The following CNTNAP2 variants were observed in gnomAD, a reference collection of about 807,000 sequenced individuals.
CNTNAP2 encodes contactin associated protein 2.
In CNTNAP2, 98 loss-of-function variants were observed where a neutral mutation model predicts 155.2. That is an observed-to-expected ratio of 0.63 (90% CI 0.54 to 0.75). The LOEUF (loss-of-function observed/expected upper bound fraction) is 0.75, where lower values mean the gene tolerates loss of function less well. CNTNAP2 is among the 30% of genes least tolerant of loss of function. The pLI is 0.00. For missense variants in CNTNAP2, 1,727 were observed against 1,688.1 expected, an observed-to-expected ratio of 1.02 and a Z score of -0.40; for synonymous variants, 651 against 631.2, an observed-to-expected ratio of 1.03 and a Z score of -0.47.
At chr7:148,256,212 CG>C in intron 20 of CNTNAP2, among the ~76,000 whole-genome samples, 1 of 152,208 alleles carries the variant, frequency 6.6e-6, no homozygotes, top group South Asian at 2.1e-4. Flanking sequence ...TCACCAAAAC[CG>C]GTCGAAGTTG....
intron 3 of CNTNAP2, among the ~76,000 whole-genome samples, chr7:146,920,505 T>G (rs570595859): frequency 6.6e-6 from 1 of 152,066 alleles, no homozygotes; most frequent in African/African-American, 2.4e-5. Flanking sequence ...ATAACATCAC[T>G]TTTTGTCCCA....
At chr7:146,559,538 C>T (rs2129144116) in intron 1 of CNTNAP2, among the ~76,000 whole-genome samples, 1 of 152,036 alleles carries the variant, frequency 6.6e-6, no homozygotes, top group East Asian at 1.9e-4. Context: ...CACTGCACTC[C>T]AGCCTGGCAA....
intron 1 of CNTNAP2, among the ~76,000 whole-genome samples, chr7:146,244,842 C>G (rs991169660): frequency 5.9e-5 from 9 of 152,112 alleles, no homozygotes; most frequent in African/African-American, 1.9e-4. Flanking sequence ...AAGTGTCTAC[C>G]TAGGCTAAGA....
At chr7:147,837,485 ATC>A (rs1798652801) in intron 13 of CNTNAP2, among the ~76,000 whole-genome samples, 1 of 151,708 alleles carries the variant, frequency 6.6e-6, no homozygotes, top group East Asian at 1.9e-4. Flanking sequence ...CCCCTCCCAA[ATC>A]TCTTGTCCTC....
At chr7:146,933,314 C>G (rs1796824897) in intron 3 of CNTNAP2, among the ~76,000 whole-genome samples, 1 of 152,046 alleles carries the variant, frequency 6.6e-6, no homozygotes, top group South Asian at 2.1e-4. Flanking sequence ...CTTTGACAAA[C>G]CGGAGAAAAA....
chr7:146,140,643 G>T (rs2116756116), intron 1 of CNTNAP2, among the ~76,000 whole-genome samples: 1 of 152,132 alleles, frequency 6.6e-6, no homozygotes, highest in African/African-American at 2.4e-5. Flanking sequence ...TAAATGCTTG[G>T]ATTTCAGTTC....
intron 1 of CNTNAP2, among the ~76,000 whole-genome samples, chr7:146,379,228 T>C (rs573659736): frequency 6.6e-6 from 1 of 152,290 alleles, no homozygotes; most frequent in South Asian, 2.1e-4. Context: ...AGGTAATTGT[T>C]TGAGAGGAGG....
intron 9 of CNTNAP2, among the ~76,000 whole-genome samples, chr7:147,358,215 C>T (rs1796093739): frequency 6.6e-6 from 1 of 152,094 alleles, no homozygotes; most frequent in African/African-American, 2.4e-5. Flanking sequence ...CACAGAAATA[C>T]ATACTTATAA....
chr7:147,101,906 GGA>G (rs1347374266), intron 4 of CNTNAP2, among the ~76,000 whole-genome samples: 4 of 152,166 alleles, frequency 2.6e-5, no homozygotes, highest in African/African-American at 9.6e-5. Flanking sequence ...CAATTGGGCA[GGA>G]AAACAGGATA....
chr7:146,704,872 G>T (rs188414900), intron 1 of CNTNAP2, among the ~76,000 whole-genome samples: 17 of 152,154 alleles, frequency 1.1e-4, no homozygotes, highest in African/African-American at 3.9e-4. Flanking sequence ...GCATACCTAT[G>T]GGCTCTAAAA....
chr7:146,116,823 C>G lies in CNTNAP2; in HGVS notation c.-54C>G. On this transcript the variant is annotated 5_prime_UTR_variant, in exon 1 of 24. Transcript: ENST00000361727. The surrounding 1 kb of genome is among the most constrained non-coding windows in gnomAD (Gnocchi z 5.5). The stretch of plus-strand genomic sequence containing the variant: ...TCCCTTCAAGAACCCTACGGAGAGT[C>G]GGACTGCATCTCCGCAGCGAGCTCT... The G allele has an allele frequency of 1.4e-6, 2 of 1,399,106 alleles. No individual in the cohort carries two copies. The highest frequency in any genetic ancestry group is 2.0e-6 in the Non-Finnish European group (2 of 1,021,386). 86.7% of individuals were successfully genotyped at this position (1,399,106 alleles called of 1,614,324 possible).
At chr7:148,407,173 C>T (rs1235969656) in intron 22 of CNTNAP2, among the ~76,000 whole-genome samples, 1 of 152,014 alleles carries the variant, frequency 6.6e-6, no homozygotes, top group Non-Finnish European at 1.5e-5. Context: ...TTTATATAAA[C>T]CAGTTTTATT....
chr7:147,834,511 T>C (rs1171072399), intron 13 of CNTNAP2, among the ~76,000 whole-genome samples: 1 of 152,172 alleles, frequency 6.6e-6, no homozygotes, highest in Non-Finnish European at 1.5e-5. Context: ...CTTCTCCTTT[T>C]ATATCTCCTT....
intron 18 of CNTNAP2, among the ~76,000 whole-genome samples, chr7:148,200,854 G>A (rs1199338911): frequency 1.3e-5 from 2 of 152,176 alleles, no homozygotes; most frequent in African/African-American, 2.4e-5. Flanking sequence ...TCCCTCGCCT[G>A]TAGAATTTGA....
intron 21 of CNTNAP2, among the ~76,000 whole-genome samples, chr7:148,349,326 A>G (rs1381387737): frequency 3.3e-5 from 5 of 152,086 alleles, no homozygotes; most frequent in African/African-American, 1.2e-4. Flanking sequence ...ACATTGGAAG[A>G]AGAATTGTTT....
rs1800090532 is a variant in CNTNAP2 at position 148,420,521 on chromosome 7, T to C, written c.*4905T>C. 1.3e-5 allele frequency: 2 copies of C among 152,222 alleles called. No homozygotes were observed. Among genetic ancestry groups the C allele is most frequent in the African/African-American group, 4.8e-5 (2 of 41,462 alleles). 9.4% of individuals were successfully genotyped at this position (152,222 alleles called of 1,614,324 possible). On this transcript the variant is annotated 3_prime_UTR_variant, in exon 24 of 24. Transcript: ENST00000361727. Reference sequence around the variant, plus strand: ...ATAAATATGGGCACACATGTATTAATATACAGCACGCATTTACAAGTTTAT... The same window carrying C: ...ATAAATATGGGCACACATGTATTAACATACAGCACGCATTTACAAGTTTAT...
intron 12 of CNTNAP2, among the ~76,000 whole-genome samples, chr7:147,563,874 G>A (rs2116793026): frequency 6.6e-6 from 1 of 152,240 alleles, no homozygotes; most frequent in East Asian, 1.9e-4. Context: ...GGTACTCTAG[G>A]CAAGCAGACA....
At chr7:147,687,143 CTAT>C (rs1471323683) in intron 13 of CNTNAP2, among the ~76,000 whole-genome samples, 8 of 152,032 alleles carry the variant, frequency 5.3e-5, no homozygotes, top group Non-Finnish European at 8.8e-5. Flanking sequence ...ATATGAACAA[CTAT>C]TATCTATCAA....
At chr7:146,530,940 A>G (rs1190759075) in intron 1 of CNTNAP2, among the ~76,000 whole-genome samples, 7 of 152,216 alleles carry the variant, frequency 4.6e-5, no homozygotes, top group Non-Finnish European at 8.8e-5. Context: ...GCGTCACACC[A>G]CTATTCACAC....
Sources: gnomAD v4.1 joint callset for allele counts (sites outside exome capture counted in the v4.1 genomes callset) on GRCh38, gnomAD v4.1.1 for gene constraint, Gnocchi (gnomAD v3.1) non-coding constraint, MANE v1.5 for transcripts, NCBI Gene and HGNC (gene_info 2026-07-23, HGNC 2026-07-21) for gene names.